Variants in FNDC3B observed in about 807,000 individuals in gnomAD.
FNDC3B encodes fibronectin type III domain-containing protein 3B.
In FNDC3B, 12 loss-of-function variants were observed where a neutral mutation model predicts 151.5. That is an observed-to-expected ratio of 0.08 (90% CI 0.05 to 0.13). The LOEUF (loss-of-function observed/expected upper bound fraction) is 0.13. Ranked by LOEUF, FNDC3B falls within the 10% of genes least tolerant of loss-of-function variation. The pLI is 1.00. For synonymous variants in FNDC3B, 528 were observed against 549.0 expected, an observed-to-expected ratio of 0.96 and a Z score of 0.54; for missense variants, 1,214 against 1,505.3, an observed-to-expected ratio of 0.81 and a Z score of 3.20.
At chr3:172,387,106 G>T (rs1056968642) in intron 25 of FNDC3B, among the ~76,000 whole-genome samples, 2 of 152,116 alleles carry the variant, frequency 1.3e-5, no homozygotes, top group African/African-American at 4.8e-5. Flanking sequence ...AAAGGCGCCT[G>T]CCACCATGCC....
chr3:172,334,857 C>A, intron 14 of FNDC3B, 87 bp from the exon 15 acceptor site: 1 of 1,294,302 alleles, frequency 7.7e-7, no homozygotes, highest in Non-Finnish European at 1.1e-6. Context: ...TTATGGGTGC[C>A]TTAATCTCAC....
intron 12 of FNDC3B, 100 bp downstream of exon 12, chr3:172,329,176 C>A: frequency 7.5e-7 from 1 of 1,339,826 alleles, no homozygotes; most frequent in Non-Finnish European, 1.0e-6. Flanking sequence ...GCTGCCTCCA[C>A]ACTAAATCAA....
In FNDC3B at chr3:172,112,447, T is replaced by C; in HGVS notation, c.-28-5T>C. ...CCTTTTTAAAAAGCGGCGGTTCTCTTGCAGGAAGCCAGTTGAGGGAAGTTC... is the reference window on the plus strand; with the variant it reads ...CCTTTTTAAAAAGCGGCGGTTCTCTCGCAGGAAGCCAGTTGAGGGAAGTTC... On this transcript the variant is annotated splice_region_variant and splice_polypyrimidine_tract_variant and intron_variant, in intron 1 of 25. Transcript: ENST00000415807. The C allele has an allele frequency of 6.7e-7, 1 of 1,498,850 alleles. No individual in the cohort carries two copies. Among genetic ancestry groups the C allele is most frequent in the Non-Finnish European group, 9.3e-7 (1 of 1,074,794 alleles). The allele number at this position is 1,498,850 out of a possible 1,614,324, so 92.8% of individuals were successfully genotyped here. A position where few individuals can be genotyped will look rare whatever the true frequency, so the allele number is the denominator to read the frequency against.
rs60080346 is a variant in FNDC3B at position 172,143,908 on chromosome 3, AAAATAAATAAAT to A, written c.187+10396_187+10407del. Among the ~76,000 whole-genome samples the A allele has an allele frequency of 4.5e-3, 643 of 142,034 alleles. 7 individuals are homozygous for A. Among genetic ancestry groups the A allele is most frequent in the East Asian group, 0.035 (172 of 4,894 alleles). The allele number at this position is 142,034 out of a possible 152,430, so 93.2% of individuals were successfully genotyped here. A position where few individuals can be genotyped will look rare whatever the true frequency, so the allele number is the denominator to read the frequency against. On this transcript the variant is annotated intron_variant, in intron 3 of 25. Coordinates refer to ENST00000415807, the MANE Select transcript of FNDC3B (RefSeq NM_022763.4). ...TGGTGACAGAGTGAGCCTCCATCTC[AAAATAAATAAAT>A]AAATAAATAAATAAATAAATAAATA... is the stretch of plus-strand genomic sequence containing the variant.
intron 1 of FNDC3B, among the ~76,000 whole-genome samples, chr3:172,074,275 G>T (rs1341921470): frequency 1.3e-5 from 2 of 152,208 alleles, no homozygotes; most frequent in Non-Finnish European, 2.9e-5. Flanking sequence ...CGCTAGGCTA[G>T]TATTCAGACC....
chr3:172,163,889 G>A lies in FNDC3B; in HGVS notation c.187+30343G>A, dbSNP rs535092785. 7.9e-5 allele frequency among the ~76,000 whole-genome samples: 12 copies of A among 152,288 alleles called. No individual in the cohort carries two copies. The South Asian group carries it at 2.5e-3, about 32-fold the overall frequency. On this transcript the variant is annotated intron_variant, in intron 3 of 25. Transcript: ENST00000415807. ...AAATGTTGTAATCTTTTCTCCCACAGCATTACCAGCCTTTGGTACATTCAG... is the reference window on the plus strand; with the variant it reads ...AAATGTTGTAATCTTTTCTCCCACAACATTACCAGCCTTTGGTACATTCAG...
chr3:172,195,661 T>G (rs1476666101), intron 3 of FNDC3B, among the ~76,000 whole-genome samples: 1 of 152,228 alleles, frequency 6.6e-6, no homozygotes, highest in Non-Finnish European at 1.5e-5. Flanking sequence ...GACTATTGTT[T>G]AGAGGTACAA....
At chr3:172,167,704 G>A (rs1723074378) in intron 3 of FNDC3B, among the ~76,000 whole-genome samples, 1 of 152,180 alleles carries the variant, frequency 6.6e-6, no homozygotes, top group Admixed American at 6.5e-5. Context: ...GGAGGTGAGT[G>A]GCAGGCAAAC....
In FNDC3B at chr3:172,328,945, C is replaced by T. The variant is rs770206777; in HGVS notation, c.1255-7C>T. 3 of 1,530,108 alleles carry T rather than the reference C, an allele frequency of 2.0e-6. No homozygotes were observed. The highest frequency in any genetic ancestry group is 1.7e-4 in the Middle Eastern group (1 of 5,718). The allele number at this position is 1,530,108 out of a possible 1,614,324, so 94.8% of individuals were successfully genotyped here. On this transcript the variant is annotated splice_polypyrimidine_tract_variant and splice_region_variant and intron_variant, in intron 11 of 25. Coordinates refer to ENST00000415807, the MANE Select transcript of FNDC3B (RefSeq NM_022763.4). Reference sequence around the variant, plus strand: ...AGTATATGCATTGTTTCATTGTTTACTTTTAGGGAAAAAGAAATAGTGGTT... The same window carrying T: ...AGTATATGCATTGTTTCATTGTTTATTTTTAGGGAAAAAGAAATAGTGGTT...
intron 3 of FNDC3B, among the ~76,000 whole-genome samples, chr3:172,163,966 T>C (rs749207424): frequency 5.3e-5 from 8 of 152,248 alleles, no homozygotes; most frequent in Non-Finnish European, 1.0e-4. Flanking sequence ...AGTATCTCAT[T>C]GTGGTTTAAA....
At chr3:172,163,992 GT>G (rs1206411276) in intron 3 of FNDC3B, among the ~76,000 whole-genome samples, 1 of 152,166 alleles carries the variant, frequency 6.6e-6, no homozygotes, top group Admixed American at 6.5e-5. Flanking sequence ...TCTCGCTTGA[GT>G]TTTATTATTA....
At chr3:172,119,607 C>G (rs1474580485) in intron 2 of FNDC3B, among the ~76,000 whole-genome samples, 1 of 152,170 alleles carries the variant, frequency 6.6e-6, no homozygotes, top group Non-Finnish European at 1.5e-5. Flanking sequence ...CTTTGTACAT[C>G]AAGTAATCCG....
chr3:172,381,087 C>T lies in FNDC3B; in HGVS notation c.3297C>T (p.Tyr1099=), dbSNP rs139964908. 165 of 1,613,332 alleles carry T rather than the reference C, an allele frequency of 1.0e-4. No homozygotes were observed. In the African/African-American group the frequency reaches 2.1e-3, roughly 20 times the overall value. Residue 1099 remains tyrosine, a synonymous_variant, in exon 25 of 26, where the codon TAC becomes TAT. Coordinates refer to ENST00000415807, the MANE Select transcript of FNDC3B (RefSeq NM_022763.4). ...LQVLVGRESE[Y]KQVYKGEEAT... is the part of the protein sequence containing the mutation. ...TATTGGTTGGAAGAGAATCTGAGTA[C>T]AAACAGGTAAGAACCAGTGTGCATG...
In FNDC3B at chr3:172,135,198, ATTAAAATCTCTTTCAT is replaced by A. The variant is rs542812303; in HGVS notation, c.187+1654_187+1669del. 2.1e-3 allele frequency among the ~76,000 whole-genome samples: 320 copies of A among 152,242 alleles called. 2 individuals carry two copies. The highest frequency in any genetic ancestry group is 7.4e-3 in the African/African-American group (309 of 41,546). On this transcript the variant is annotated intron_variant, in intron 3 of 25. Coordinates refer to ENST00000415807, the MANE Select transcript of FNDC3B (RefSeq NM_022763.4). Reference sequence around the variant, plus strand: ...CAAATCACTTAGTGGATGAACATGCATTAAAATCTCTTTCATTCCACCTAAGTTTACTTTTTGGTGT... The same window carrying A: ...CAAATCACTTAGTGGATGAACATGCATCCACCTAAGTTTACTTTTTGGTGT...
chr3:172,355,197 CTG>C (rs1734036245), intron 22 of FNDC3B, among the ~76,000 whole-genome samples: 1 of 152,138 alleles, frequency 6.6e-6, no homozygotes, highest in African/African-American at 2.4e-5. Flanking sequence ...TAACTTTGCT[CTG>C]TGTGCTTCCA....
chr3:172,059,434 A>G (rs1717079446), intron 1 of FNDC3B, among the ~76,000 whole-genome samples: 1 of 152,198 alleles, frequency 6.6e-6, no homozygotes, highest in South Asian at 2.1e-4. Context: ...TTATATATAA[A>G]GGACTTAAAA....
chr3:172,364,473 G>A (rs968310590), intron 23 of FNDC3B, among the ~76,000 whole-genome samples: 31 of 152,314 alleles, frequency 2.0e-4, no homozygotes, highest in Admixed American at 1.4e-3. Flanking sequence ...AATTCCCCGT[G>A]CCCTGCCTCC....
chr3:172,190,151 C>T (rs919438884), intron 3 of FNDC3B, among the ~76,000 whole-genome samples: 6 of 152,038 alleles, frequency 3.9e-5, no homozygotes, highest in Admixed American at 1.3e-4. Flanking sequence ...GGGAGTTCAG[C>T]CGACTGGGAG....
chr3:172,190,094 T>A (rs1016951441), intron 3 of FNDC3B, among the ~76,000 whole-genome samples: 4 of 152,174 alleles, frequency 2.6e-5, no homozygotes, highest in Non-Finnish European at 5.9e-5. Context: ...TCCACTCTAA[T>A]CCATTTCTCT....
Sources: allele counts gnomAD v4.1 joint callset (sites outside exome capture counted in the v4.1 genomes callset), GRCh38; gene constraint gnomAD v4.1.1; transcripts MANE v1.5; gene names NCBI Gene and HGNC (gene_info 2026-07-23, HGNC 2026-07-21).